CELF2: variants seen among roughly 807,000 people sequenced by gnomAD.
The protein encoded by CELF2 is CUG triplet repeat RNA-binding protein 2.
Under a neutral mutation model 62.6 loss-of-function variants are expected in CELF2, and 8 were observed. The observed-to-expected ratio is 0.13, with a 90% CI of 0.07 to 0.23. The LOEUF (loss-of-function observed/expected upper bound fraction) is 0.23, where lower values mean the gene tolerates loss of function less well. CELF2 is among the 10% of genes least tolerant of loss of function. The pLI, the probability that CELF2 is intolerant of heterozygous loss-of-function variation, is 1.00. For synonymous variants in CELF2, 258 were observed against 250.0 expected (o/e 1.03, Z -0.30); for missense variants, 333 against 671.0 (o/e 0.50, Z 5.56).
chr10:10,853,809 G>A (rs761459331), intron 1 of CELF2, among the ~76,000 whole-genome samples: 1 of 151,962 alleles, frequency 6.6e-6, no homozygotes, highest in Non-Finnish European at 1.5e-5. Context: ...GGGATCCTCC[G>A]AGAAAATCAG....
At chr10:10,613,224 C>T in the CELF2 span, among the ~76,000 whole-genome samples, 1 of 152,022 alleles carries the variant, frequency 6.6e-6, no homozygotes, top group East Asian at 1.9e-4. Flanking sequence ...TCTGTTCGTC[C>T]TCAAAGTAAG....
the CELF2 span, among the ~76,000 whole-genome samples, chr10:10,463,106 C>CA: frequency 6.6e-6 from 1 of 152,088 alleles, no homozygotes; most frequent in Non-Finnish European, 1.5e-5. Context: ...AGTGAGTGCT[C>CA]AGTAAAGTCA....
chr10:10,661,934 G>A, the CELF2 span, among the ~76,000 whole-genome samples: 3 of 152,178 alleles, frequency 2.0e-5, no homozygotes, highest in African/African-American at 7.2e-5. Flanking sequence ...CTAAACATCA[G>A]TCAATCATTT....
chr10:10,858,179 G>A (rs1266479723), intron 1 of CELF2, among the ~76,000 whole-genome samples: 1 of 151,990 alleles, frequency 6.6e-6, no homozygotes. Flanking sequence ...ATCAAAATAT[G>A]ATGAAAACTA....
the CELF2 span, among the ~76,000 whole-genome samples, chr10:10,471,280 T>A: frequency 6.6e-6 from 1 of 151,764 alleles, no homozygotes; most frequent in Non-Finnish European, 1.5e-5. Flanking sequence ...ATTTTCCTAC[T>A]GTTTGTTTTG....
intron 2 of CELF2, among the ~76,000 whole-genome samples, chr10:11,185,136 G>C (rs764146899): frequency 6.6e-6 from 1 of 151,576 alleles, no homozygotes; most frequent in South Asian, 2.1e-4. Context: ...TGATCATATC[G>C]GGTTTTTTGT....
At chr10:11,250,385 G>A (rs2076787177) in intron 4 of CELF2, among the ~76,000 whole-genome samples, 1 of 152,196 alleles carries the variant, frequency 6.6e-6, no homozygotes, top group South Asian at 2.1e-4. Flanking sequence ...GGAGACTTTG[G>A]TGCTTTAACC....
Position 11,270,910 on chromosome 10 carries a change from T to C in CELF2, c.777+86T>C. Reference sequence around the variant, plus strand: ...CCCCTCCCTACGCTGAGGCATTTGTTTTCAGTACATTTTCAATCTCGGGGA... The same window carrying C: ...CCCCTCCCTACGCTGAGGCATTTGTCTTCAGTACATTTTCAATCTCGGGGA... On this transcript the variant is annotated intron_variant, in intron 7 of 12. Coordinates refer to ENST00000633077, the MANE Select transcript of CELF2 (RefSeq NM_001326342.2). This position sits in a 1 kb window ranked among gnomAD's most constrained non-coding sequence, Gnocchi z 5.8. 1 of 1,188,382 alleles carries C rather than the reference T, an allele frequency of 8.4e-7. No individual in the cohort carries two copies. The allele number at this position is 1,188,382 out of a possible 1,614,324, so 73.6% of individuals were successfully genotyped here.
At chr10:11,071,385 T>C (rs765503016) in intron 1 of CELF2, among the ~76,000 whole-genome samples, 2 of 152,180 alleles carry the variant, frequency 1.3e-5, no homozygotes, top group African/African-American at 2.4e-5. Flanking sequence ...ATGATAAAAG[T>C]AAGGTTCAGA....
the CELF2 span, among the ~76,000 whole-genome samples, chr10:10,573,498 A>G: frequency 6.6e-6 from 1 of 152,130 alleles, no homozygotes. Context: ...GTGGGACTAT[A>G]TGTTTTTCTT....
intron 1 of CELF2, among the ~76,000 whole-genome samples, chr10:10,866,771 T>C (rs916655012): frequency 6.6e-6 from 1 of 150,966 alleles, no homozygotes; most frequent in Non-Finnish European, 1.5e-5. Flanking sequence ...AAACAAAAAA[T>C]TAGATGGGCA....
chr10:10,475,930 T>C, the CELF2 span, among the ~76,000 whole-genome samples: 1 of 152,204 alleles, frequency 6.6e-6, no homozygotes, highest in Non-Finnish European at 1.5e-5. Flanking sequence ...TTGTTGACAA[T>C]ACCTTTTCAT....
intron 2 of CELF2, among the ~76,000 whole-genome samples, chr10:10,964,892 A>G (rs2136054353): frequency 6.6e-6 from 1 of 152,326 alleles, no homozygotes; most frequent in South Asian, 2.1e-4. Context: ...TTAGCTATGA[A>G]GAGCTTTTTT....
At chr10:10,917,500 C>T (rs1014922874) in intron 1 of CELF2, among the ~76,000 whole-genome samples, 24 of 151,896 alleles carry the variant, frequency 1.6e-4, no homozygotes, top group Non-Finnish European at 1.3e-4. Flanking sequence ...CCATGATGAG[C>T]AGCTCATTTT....
At chr10:11,184,375 A>G (rs753831333) in intron 2 of CELF2, among the ~76,000 whole-genome samples, 4 of 152,210 alleles carry the variant, frequency 2.6e-5, no homozygotes, top group Non-Finnish European at 5.9e-5. Flanking sequence ...TGTTTTGGCT[A>G]GTCTAGATTC....
chr10:10,825,359 G>T (rs1216174749), intron 1 of CELF2, among the ~76,000 whole-genome samples: 1 of 152,110 alleles, frequency 6.6e-6, no homozygotes, highest in African/African-American at 2.4e-5. Flanking sequence ...ACAGGCGCCC[G>T]CCACCAAGCC....
chr10:10,961,678 G>A (rs1464478149), intron 2 of CELF2, among the ~76,000 whole-genome samples: 2 of 151,754 alleles, frequency 1.3e-5, no homozygotes. Context: ...CCCAAGAGAC[G>A]GGGCAGAGAT....
intron 3 of CELF2, among the ~76,000 whole-genome samples, chr10:11,218,288 A>C (rs939004361): frequency 1.3e-5 from 2 of 152,250 alleles, no homozygotes; most frequent in Non-Finnish European, 2.9e-5. Flanking sequence ...TGTGGTAACC[A>C]GTGCAAGGAT....
In CELF2 at chr10:11,018,072, C is replaced by A; in HGVS notation, c.-18C>A. 1 of 1,444,030 alleles carries A rather than the reference C, an allele frequency of 6.9e-7. No homozygotes were observed. Among genetic ancestry groups the A allele is most frequent in the Non-Finnish European group, 9.2e-7 (1 of 1,083,416 alleles). The allele number at this position is 1,444,030 out of a possible 1,614,324, so 89.5% of individuals were successfully genotyped here. On this transcript the variant is annotated 5_prime_UTR_variant, in exon 1 of 13. Coordinates refer to ENST00000633077, the MANE Select transcript of CELF2 (RefSeq NM_001326342.2). The stretch of plus-strand genomic sequence containing the variant: ...GCAGAGCCGCCCCCCGCCGCTGCCG[C>A]CGCGTGCGCCCGCGAACATGACTTC...
Sources: gnomAD v4.1 joint callset for allele counts (sites outside exome capture counted in the v4.1 genomes callset) on GRCh38, gnomAD v4.1.1 for gene constraint, Gnocchi (gnomAD v3.1) non-coding constraint, MANE v1.5 for transcripts, NCBI Gene and HGNC (gene_info 2026-07-23, HGNC 2026-07-21) for gene names.